Variants in ERI1 observed in about 807,000 individuals in gnomAD.
ERI1 encodes 3'-5' exoribonuclease 1.
A neutral mutation model predicts 39.7 loss-of-function variants in ERI1; 39 were observed. That is an observed-to-expected ratio of 0.98 (90% confidence interval 0.76 to 1.28). ERI1 has a LOEUF of 1.28. Ranked by LOEUF, ERI1 falls within the 50% of genes most tolerant of loss-of-function variation. ERI1 has a pLI of 0.00. For synonymous variants in ERI1, 204 were observed against 149.6 expected (o/e 1.36, Z -2.65); for missense variants, 581 against 416.9 (o/e 1.39, Z -3.43).
chr8:9,050,929 G>A lies in ERI1; in HGVS notation n.299+30465G>A, dbSNP rs184964500. Among the ~76,000 whole-genome samples the A allele has an allele frequency of 1.3e-4, 20 of 152,234 alleles. No homozygotes were observed. In the East Asian group the frequency reaches 3.5e-3, roughly 26 times the overall value. ...GGATGGAAATGAGCTTTGTTAAGGC[G>A]TTGTTCTTTCAGTGGGCTCATTTCT... On this transcript the variant is annotated intron_variant and non_coding_transcript_variant, in intron 3 of 3. Coordinates refer to the ERI1 transcript ENST00000518663.
In ERI1 at chr8:9,008,147, A is replaced by G; in HGVS notation, c.286A>G (p.Arg96Gly). 1 of 1,569,894 alleles carries G rather than the reference A, an allele frequency of 6.4e-7. No individual in the cohort carries two copies. Among genetic ancestry groups the G allele is most frequent in the Non-Finnish European group, 8.6e-7 (1 of 1,161,680 alleles). ...AKLSEFKLET[R>G]GVKDVLKKRL... ...GCTTTCAGAATTCAAGCTTGAAACT[A>G]GGTAATTAAAAATAACTTATAAAAT... The change falls in exon 2 of 7, where the codon AGA becomes GGA. Residue 96 changes from arginine to glycine, a missense_variant and splice_region_variant. By Grantham distance (125) the Arg-to-Gly change is moderately radical. Transcript: ENST00000250263.
At chr8:9,058,941 C>G (rs1014536830) in intron 3 of ERI1, among the ~76,000 whole-genome samples, 3 of 152,122 alleles carry the variant, frequency 2.0e-5, no homozygotes, top group African/African-American at 7.2e-5. Flanking sequence ...AAGAGACCAC[C>G]AAACAGGCTT....
intron 3 of ERI1, among the ~76,000 whole-genome samples, chr8:9,084,003 C>T (rs1738895135): frequency 6.6e-6 from 1 of 152,148 alleles, no homozygotes. Context: ...CCGTGTTAGC[C>T]AGGATGGTCT....
intron 3 of ERI1, among the ~76,000 whole-genome samples, chr8:9,048,169 G>A (rs556594873): frequency 1.2e-4 from 19 of 152,362 alleles, no homozygotes; most frequent in Admixed American, 7.2e-4. Context: ...CCTTGTCTGC[G>A]TACTGGAGTC....
rs530359536 is a variant in ERI1 at position 9,005,321 on chromosome 8, G to T, written c.108+2150G>T. 1.5e-3 allele frequency among the ~76,000 whole-genome samples: 230 copies of T among 152,126 alleles called. 1 individual carries two copies. Among genetic ancestry groups the T allele is most frequent in the Admixed American group, 3.1e-3 (47 of 15,282 alleles). ...CAGAAAAAGTTTTATTTGACAAGCA[G>T]TTACTTTGTAGCTTACTGTTAAAAT... On this transcript the variant is annotated intron_variant, in intron 1 of 6. Transcript: ENST00000250263.
In ERI1 at chr8:9,031,580, C is replaced by G. The variant is rs545334320; in HGVS notation, c.*1546C>G. The G allele has an allele frequency of 6.6e-6, 1 of 152,198 alleles. No individual in the cohort carries two copies. Among genetic ancestry groups the G allele is most frequent in the Admixed American group, 6.5e-5 (1 of 15,272 alleles). The allele number at this position is 152,198 out of a possible 1,614,324, so 9.4% of individuals were successfully genotyped here. ...ATAACCTGTAAAGTATTACTGAATA[C>G]TGAATAGCTGAAACTGCAATTGGAA... On this transcript the variant is annotated 3_prime_UTR_variant, in exon 7 of 7. Transcript: ENST00000250263.
intron 5 of ERI1, 100 bp downstream of exon 5, chr8:9,018,506 G>A (rs554410495): frequency 4.4e-6 from 3 of 678,644 alleles, no homozygotes; most frequent in Admixed American, 2.8e-5. Context: ...TATTATTAGA[G>A]ACCCTAGAGT....
intron 3 of ERI1, among the ~76,000 whole-genome samples, chr8:9,040,941 A>T (rs937381504): frequency 1.3e-5 from 2 of 151,994 alleles, no homozygotes; most frequent in African/African-American, 4.8e-5. Flanking sequence ...CATTATTCCC[A>T]CCTCGGTCTA....
At chr8:9,015,626 G>A (rs1817156032) in intron 3 of ERI1, among the ~76,000 whole-genome samples, 1 of 148,308 alleles carries the variant, frequency 6.7e-6, no homozygotes, top group African/African-American at 2.5e-5. Flanking sequence ...GGAGGCTGAG[G>A]CAGGAGAATG....
intron 2 of ERI1, chr8:9,009,017 CTT>C (rs1315394140): frequency 1.1e-5 from 5 of 456,150 alleles, no homozygotes; most frequent in Admixed American, 7.1e-5. Flanking sequence ...TTCCCCGATT[CTT>C]TCTGTTATGA....
chr8:9,058,967 G>A (rs1798602227), intron 3 of ERI1, among the ~76,000 whole-genome samples: 1 of 152,100 alleles, frequency 6.6e-6, no homozygotes, highest in Non-Finnish European at 1.5e-5. Context: ...GAGCAATAAG[G>A]CTGTTTATTT....
chr8:9,011,442 G>T, intron 2 of ERI1, 100 bp from the exon 3 acceptor site: 3 of 622,948 alleles, frequency 4.8e-6, no homozygotes, highest in South Asian at 4.1e-5. Flanking sequence ...GCTAAATTTC[G>T]CTGTGATTGT....
intron 3 of ERI1, among the ~76,000 whole-genome samples, chr8:9,049,258 C>G (rs1386876293): frequency 7.5e-6 from 1 of 133,966 alleles, no homozygotes; most frequent in African/African-American, 2.8e-5. Context: ...ATCGCTTGAA[C>G]TGAGGAGGCA....
chr8:9,074,838 G>T (rs990866135), intron 3 of ERI1, among the ~76,000 whole-genome samples: 24 of 152,254 alleles, frequency 1.6e-4, no homozygotes, highest in African/African-American at 5.3e-4. Context: ...AGAGCACATC[G>T]TCCTCTTAGG....
intron 3 of ERI1, among the ~76,000 whole-genome samples, chr8:9,015,041 C>T (rs185605099): frequency 5.8e-4 from 88 of 152,076 alleles, no homozygotes; most frequent in African/African-American, 1.6e-3. Context: ...TTCACCACTT[C>T]GGCCAGGCTG....
intron 3 of ERI1, among the ~76,000 whole-genome samples, chr8:9,064,532 G>T (rs1324961991): frequency 6.6e-6 from 1 of 151,978 alleles, no homozygotes; most frequent in African/African-American, 2.4e-5. Flanking sequence ...GAAAATGAAA[G>T]GAATTGAAAT....
intron 3 of ERI1, among the ~76,000 whole-genome samples, chr8:9,097,040 A>G (rs1799898656): frequency 6.6e-6 from 1 of 151,588 alleles, no homozygotes; most frequent in Admixed American, 6.6e-5. Flanking sequence ...AAACGAACCC[A>G]TTCCCTCTCT....
At chr8:9,042,267 T>C (rs1446469419) in intron 3 of ERI1, among the ~76,000 whole-genome samples, 1 of 152,194 alleles carries the variant, frequency 6.6e-6, no homozygotes, top group Non-Finnish European at 1.5e-5. Context: ...GTCCTCCCTT[T>C]GCGATAATTT....
At position 9,015,653 on chromosome 8, in the gene ERI1, C is replaced by T. The variant is rs190939805; in HGVS notation, c.499-669C>T. Among the ~76,000 whole-genome samples, 1,038 of 134,446 alleles carry T rather than the reference C, an allele frequency of 7.7e-3. 6 individuals carry two copies. The highest frequency in any genetic ancestry group is 0.027 in the African/African-American group (953 of 35,326). The allele number at this position is 134,446 out of a possible 152,430, so 88.2% of individuals were successfully genotyped here. On this transcript the variant is annotated intron_variant, in intron 3 of 6. Transcript: ENST00000250263. ...AGGAGAATGGCGTGAACCTGGGAGG[C>T]GGAGCTTGCAGTGAGCCGAGATTGT...
Sources: allele counts gnomAD v4.1 joint callset (sites outside exome capture counted in the v4.1 genomes callset), GRCh38; gene constraint gnomAD v4.1.1; transcripts MANE v1.5; gene names NCBI Gene and HGNC (gene_info 2026-07-23, HGNC 2026-07-21).